PDE9A: variants seen among roughly 807,000 people sequenced by gnomAD.
PDE9A encodes the protein phosphodiesterase 9A.
A neutral mutation model predicts 87.4 loss-of-function variants in PDE9A; 60 were observed. The observed-to-expected ratio is 0.69, with a 90% confidence interval of 0.56 to 0.85. The LOEUF is 0.85. PDE9A is among the 40% of genes least tolerant of loss of function. The pLI, the probability that PDE9A is intolerant of heterozygous loss-of-function variation, is 0.00. For missense variants in PDE9A, 665 were observed against 779.0 expected, an observed-to-expected ratio of 0.85 and a Z score of 1.74; for synonymous variants, 272 against 279.4, an observed-to-expected ratio of 0.97 and a Z score of 0.27.
At chr21:42,740,751 A>ATAGATAG (rs1569229138) in intron 7 of PDE9A, among the ~76,000 whole-genome samples, 10 of 94,974 alleles carry the variant, frequency 1.1e-4, no homozygotes, top group African/African-American at 4.0e-4. Flanking sequence ...TAGATAGATA[A>ATAGATAG]ACAGGATAGA....
At chr21:42,747,164 T>C (rs891192012) in intron 8 of PDE9A, among the ~76,000 whole-genome samples, 4 of 152,170 alleles carry the variant, frequency 2.6e-5, no homozygotes, top group African/African-American at 9.7e-5. Context: ...ATAGAGACAC[T>C]GAGATATTCG....
intron 8 of PDE9A, 50 bp from the exon 9 acceptor site, chr21:42,751,065 CA>C: frequency 8.2e-7 from 1 of 1,214,470 alleles, no homozygotes; most frequent in Non-Finnish European, 1.2e-6. Flanking sequence ...CTGAGGGCTT[CA>C]CCAGACTGAA....
rs1224781966 is a variant in PDE9A, at chr21:42,696,713, C to T, written c.219-2255C>T. Among the ~76,000 whole-genome samples the T allele has an allele frequency of 6.6e-6, 1 of 152,152 alleles. No individual in the cohort carries two copies. The highest frequency in any genetic ancestry group is 1.5e-5 in the Non-Finnish European group (1 of 68,028). ...CAACCCTGGCACGGGTCCTCACTGG[C>T]CACACTGAGGCCATCAGCAAAGCAC... On this transcript the variant is annotated intron_variant, in intron 3 of 19. Coordinates refer to ENST00000291539, the MANE Select transcript of PDE9A (RefSeq NM_002606.3). This position sits in a 1 kb window ranked among gnomAD's most constrained non-coding sequence, Gnocchi z 5.1.
chr21:42,759,750 A>C lies in PDE9A; in HGVS notation c.898-578A>C, dbSNP rs1432207463. 3.9e-5 allele frequency among the ~76,000 whole-genome samples: 5 copies of C among 129,158 alleles called. No homozygotes were observed. Among genetic ancestry groups the C allele is most frequent in the African/African-American group, 1.2e-4 (4 of 32,842 alleles). 84.7% of individuals were successfully genotyped at this position (129,158 alleles called of 152,430 possible). The stretch of plus-strand genomic sequence containing the variant: ...TGTGTGTGCATGTGTGTATCTGTGG[A>C]TGTGAGGTGTGTGTGCATGTGTGTA... On this transcript the variant is annotated intron_variant, in intron 11 of 19. Coordinates refer to ENST00000291539, the MANE Select transcript of PDE9A (RefSeq NM_002606.3). The surrounding 1 kb of genome is among the most constrained non-coding windows in gnomAD (Gnocchi z 7.2).
At chr21:42,656,211 C>T (rs1302904289) in intron 1 of PDE9A, among the ~76,000 whole-genome samples, 7 of 152,192 alleles carry the variant, frequency 4.6e-5, no homozygotes, top group Admixed American at 3.3e-4. Flanking sequence ...TAGGAGGGAG[C>T]CCTGGGGGTC....
rs879327199 is a variant in PDE9A, at chr21:42,659,086, C to T, written c.69+5203C>T. Among the ~76,000 whole-genome samples, 13 of 152,232 alleles carry T rather than the reference C, an allele frequency of 8.5e-5. No homozygotes were observed. The highest frequency in any genetic ancestry group is 1.8e-4 in the Non-Finnish European group (12 of 68,032). On this transcript the variant is annotated intron_variant, in intron 1 of 19. Transcript: ENST00000291539. This position sits in a 1 kb window ranked among gnomAD's most constrained non-coding sequence, Gnocchi z 4.1. Reference sequence around the variant, plus strand: ...GAAGTGCCTGACCACTTGAGAGCTACAGCAGGTGCTGTCTCGGAGAGGGCA... The same window carrying T: ...GAAGTGCCTGACCACTTGAGAGCTATAGCAGGTGCTGTCTCGGAGAGGGCA...
At chr21:42,718,691 G>A (rs750015703) in intron 4 of PDE9A, among the ~76,000 whole-genome samples, 1 of 151,490 alleles carries the variant, frequency 6.6e-6, no homozygotes, top group African/African-American at 2.4e-5. Context: ...CTTTTGTTTC[G>A]GTGTTTGCAC....
intron 15 of PDE9A, chr21:42,765,745 G>A (rs191080910): frequency 2.1e-6 from 1 of 474,796 alleles, no homozygotes; most frequent in Non-Finnish European, 3.9e-6. Context: ...ATTTGAAGGA[G>A]ATAAGTGGGT....
chr21:42,709,769 G>A (rs1389689131), intron 4 of PDE9A, among the ~76,000 whole-genome samples: 1 of 152,072 alleles, frequency 6.6e-6, no homozygotes, highest in African/African-American at 2.4e-5. Flanking sequence ...CTGCAGCCTC[G>A]ACCTCCTGGG....
At chr21:42,740,469 A>AAAGAT (rs1162406870) in intron 7 of PDE9A, among the ~76,000 whole-genome samples, 1 of 151,938 alleles carries the variant, frequency 6.6e-6, no homozygotes, top group African/African-American at 2.4e-5. Flanking sequence ...AAAGAAAAGA[A>AAAGAT]AGATAGGTAG....
chr21:42,752,312 C>T (rs2054523057), intron 9 of PDE9A, among the ~76,000 whole-genome samples: 1 of 152,288 alleles, frequency 6.6e-6, no homozygotes, highest in Admixed American at 6.5e-5. Flanking sequence ...CACTCTGTCA[C>T]CCAGGCTGGA....
At chr21:42,766,704 C>T (rs7276312) in intron 15 of PDE9A, among the ~76,000 whole-genome samples, 59,876 of 152,062 alleles carry the variant, frequency 0.39, 12,040 homozygotes, top group South Asian at 0.56. Context: ...AAGAGGGAAA[C>T]AGTCACATAG....
intron 7 of PDE9A, among the ~76,000 whole-genome samples, chr21:42,738,403 A>G (rs1293624800): frequency 6.6e-6 from 1 of 152,208 alleles, no homozygotes; most frequent in Non-Finnish European, 1.5e-5. Flanking sequence ...CTGTAGCCAA[A>G]GGACTGGGCC....
At chr21:42,772,688 C>T (rs928725533) in intron 19 of PDE9A, among the ~76,000 whole-genome samples, 168 bp downstream of exon 19, 4 of 151,468 alleles carry the variant, frequency 2.6e-5, no homozygotes, top group Admixed American at 6.6e-5. Context: ...GGTTGGAGTG[C>T]GATGGCACGA....
intron 9 of PDE9A, among the ~76,000 whole-genome samples, chr21:42,753,693 A>G (rs911615236): frequency 6.6e-6 from 1 of 151,952 alleles, no homozygotes; most frequent in Admixed American, 6.5e-5. Flanking sequence ...TGAACTCCCC[A>G]TCTCTACTAA....
At chr21:42,763,482 G>T (rs1165146131) in intron 14 of PDE9A, among the ~76,000 whole-genome samples, 1 of 152,168 alleles carries the variant, frequency 6.6e-6, no homozygotes. Context: ...AGGGACTTCG[G>T]GGCCCCCAGG....
intron 8 of PDE9A, 139 bp from the exon 9 acceptor site, chr21:42,750,977 G>T: frequency 1.4e-6 from 1 of 693,542 alleles, no homozygotes; most frequent in Non-Finnish European, 2.6e-6. Context: ...GTGAGTTGCT[G>T]CTGCCCTGAC....
At chr21:42,699,119 A>G in intron 4 of PDE9A, 108 bp downstream of exon 4, 1 of 743,566 alleles carries the variant, frequency 1.3e-6, no homozygotes, top group Non-Finnish European at 2.4e-6. Flanking sequence ...AAGCATTTGA[A>G]ATATATATGA....
At chr21:42,662,912 GCACATGCACATCACA>G (rs1243582931) in intron 1 of PDE9A, among the ~76,000 whole-genome samples, 4 of 123,544 alleles carry the variant, frequency 3.2e-5, no homozygotes, top group African/African-American at 1.3e-4. Flanking sequence ...CACACACCAT[GCACATGCACATCACA>G]CACATGCACA....
Sources: gnomAD v4.1 joint callset for allele counts (sites outside exome capture counted in the v4.1 genomes callset) on GRCh38, gnomAD v4.1.1 for gene constraint, Gnocchi (gnomAD v3.1) non-coding constraint, MANE v1.5 for transcripts, NCBI Gene and HGNC (gene_info 2026-07-23, HGNC 2026-07-21) for gene names.